RASGEF1A: variants seen among roughly 807,000 people sequenced by gnomAD.
RASGEF1A encodes ras-GEF domain-containing family member 1A.
In RASGEF1A, 18 loss-of-function variants were observed where a neutral mutation model predicts 56.4. The observed-to-expected ratio is 0.32, with a 90% CI of 0.22 to 0.47. RASGEF1A has a LOEUF of 0.47. Ranked by LOEUF, RASGEF1A falls within the 20% of genes least tolerant of loss-of-function variation. RASGEF1A has a pLI of 1.00. For missense variants in RASGEF1A, 422 were observed against 627.1 expected (o/e 0.67, Z 3.49); for synonymous variants, 245 against 242.6 (o/e 1.01, Z -0.09).
In RASGEF1A at chr10:43,198,839, G is replaced by T. The variant is rs1365249214; in HGVS notation, c.1032+94C>A. ...TAGGTGCTAGCCCCAGGGAGAGGAG[G>T]GCAGCCCCCCACCCCCACTGTCAGG... On this transcript the variant is annotated intron_variant, in intron 9 of 12. Coordinates refer to ENST00000395810, the MANE Select transcript of RASGEF1A (RefSeq NM_145313.4). The T allele has an allele frequency of 2.6e-6, 3 of 1,163,362 alleles. No individual in the cohort carries two copies. The East Asian group carries it at 7.0e-5, about 27-fold the overall frequency. 72.1% of individuals were successfully genotyped at this position (1,163,362 alleles called of 1,614,324 possible).
At chr10:43,201,058 G>A (rs569328675) in intron 4 of RASGEF1A, among the ~76,000 whole-genome samples, 170 bp from the exon 5 acceptor site, 5 of 152,150 alleles carry the variant, frequency 3.3e-5, no homozygotes, top group Non-Finnish European at 7.4e-5. Context: ...GCACAGCATG[G>A]GCTCCTCTGA....
intron 2 of RASGEF1A, among the ~76,000 whole-genome samples, chr10:43,205,184 G>A (rs898034969): frequency 3.9e-5 from 6 of 152,188 alleles, no homozygotes; most frequent in Admixed American, 3.3e-4. Context: ...GGGCAGGGAG[G>A]GAGAGGGGAT....
At chr10:43,205,537 TGGGCGTGCCCTCGCCA>T (rs1173830916) in intron 2 of RASGEF1A, among the ~76,000 whole-genome samples, 2 of 152,138 alleles carry the variant, frequency 1.3e-5, no homozygotes, top group African/African-American at 4.8e-5. Context: ...GGACCTCGGC[TGGGCGTGCCCTCGCCA>T]GGACCCCAAG....
rs141255131 is a variant in RASGEF1A, at chr10:43,231,081, C to T, written c.-6-24959G>A. On this transcript the variant is annotated intron_variant, in intron 1 of 12. Coordinates refer to ENST00000395810, the MANE Select transcript of RASGEF1A (RefSeq NM_145313.4). ...ATGCAGCGCCTGTGGGTGGGCAGTG[C>T]GGGGAGTACGAGGCAACCAGGCAGA... Among the ~76,000 whole-genome samples, 27 of 152,356 alleles carry T rather than the reference C, an allele frequency of 1.8e-4. No individual in the cohort carries two copies. In the East Asian group the frequency reaches 3.9e-3, roughly 22 times the overall value.
At chr10:43,216,606 G>C (rs929222076) in intron 1 of RASGEF1A, among the ~76,000 whole-genome samples, 1 of 152,202 alleles carries the variant, frequency 6.6e-6, no homozygotes, top group East Asian at 1.9e-4. Flanking sequence ...AGTAGACAGT[G>C]CTAGGTAGCC....
Position 43,196,610 on chromosome 10 carries a change from T to A in RASGEF1A, c.1349-62A>T. On this transcript the variant is annotated intron_variant, in intron 11 of 12. Transcript: ENST00000395810. This position sits in a 1 kb window ranked among gnomAD's most constrained non-coding sequence, Gnocchi z 4.6. The stretch of plus-strand genomic sequence containing the variant: ...CATGCAGTGTCTGCCTGAACCCAGC[T>A]GTCCCTTCAGGAGTACAGCCCAGCA... 6.7e-7 allele frequency: 1 copy of A among 1,488,452 alleles called. No homozygotes were observed. Among genetic ancestry groups the A allele is most frequent in the Non-Finnish European group, 9.3e-7 (1 of 1,073,454 alleles). The allele number at this position is 1,488,452 out of a possible 1,614,324, so 92.2% of individuals were successfully genotyped here.
At chr10:43,238,104 G>A (rs545241115) in intron 1 of RASGEF1A, among the ~76,000 whole-genome samples, 104 of 141,494 alleles carry the variant, frequency 7.4e-4, no homozygotes, top group African/African-American at 2.0e-3. Flanking sequence ...GGCGGAGGGA[G>A]GGGGGGTGCT....
intron 1 of RASGEF1A, chr10:43,229,564 C>T: frequency 1.5e-6 from 2 of 1,303,358 alleles, no homozygotes; most frequent in East Asian, 3.0e-5. Flanking sequence ...AGGGGACCGT[C>T]GCACCCCTCC....
chr10:43,238,657 T>G (rs1222542294), intron 1 of RASGEF1A, among the ~76,000 whole-genome samples: 1 of 152,146 alleles, frequency 6.6e-6, no homozygotes. Context: ...AGGCTGTCTG[T>G]GATGGGCAGG....
chr10:43,240,224 CATT>C (rs1467359432), intron 1 of RASGEF1A, among the ~76,000 whole-genome samples: 1 of 152,186 alleles, frequency 6.6e-6, no homozygotes, highest in East Asian at 1.9e-4. Context: ...TCTTTCCAAT[CATT>C]ATTTGACCGC....
At chr10:43,252,737 C>T (rs1292850236) in intron 1 of RASGEF1A, among the ~76,000 whole-genome samples, 2 of 152,126 alleles carry the variant, frequency 1.3e-5, no homozygotes, top group Non-Finnish European at 2.9e-5. Context: ...CCAAACTCAC[C>T]TGACTCCCAC....
intron 1 of RASGEF1A, among the ~76,000 whole-genome samples, chr10:43,225,271 C>G (rs1159147419): frequency 2.0e-5 from 2 of 101,032 alleles, no homozygotes; most frequent in African/African-American, 3.9e-5. Context: ...GGGGGGGTCT[C>G]TGTGTCTGTG....
intron 1 of RASGEF1A, among the ~76,000 whole-genome samples, chr10:43,210,148 C>T (rs1239868511): frequency 6.6e-6 from 1 of 152,250 alleles, no homozygotes; most frequent in Non-Finnish European, 1.5e-5. Context: ...TGTGTGAGAA[C>T]CTCAGCCTCC....
intron 9 of RASGEF1A, among the ~76,000 whole-genome samples, 155 bp downstream of exon 9, chr10:43,198,778 G>A (rs547243084): frequency 6.6e-6 from 1 of 152,342 alleles, no homozygotes; most frequent in Admixed American, 6.5e-5. Context: ...CCCACTGCTG[G>A]AGGACGAACA....
At chr10:43,197,698 C>T (rs944361252) in intron 10 of RASGEF1A, among the ~76,000 whole-genome samples, 3 of 152,250 alleles carry the variant, frequency 2.0e-5, no homozygotes, top group Non-Finnish European at 4.4e-5. Context: ...TCCAATCCCA[C>T]AGGGGTGGAC....
At chr10:43,206,173 C>A (rs1839993168) in intron 1 of RASGEF1A, 51 bp from the exon 2 acceptor site, 1 of 1,440,984 alleles carries the variant, frequency 6.9e-7, no homozygotes, top group Non-Finnish European at 9.5e-7. Flanking sequence ...TCCACAGCTC[C>A]ACAGACCCTC....
chr10:43,264,460 C>G (rs1461921079), intron 1 of RASGEF1A, among the ~76,000 whole-genome samples: 1 of 151,614 alleles, frequency 6.6e-6, no homozygotes, highest in Admixed American at 6.5e-5. Context: ...CTTCAGTCCC[C>G]TCCCTCCGCA....
chr10:43,197,702 G>A (rs2133176609), intron 10 of RASGEF1A, among the ~76,000 whole-genome samples: 1 of 152,304 alleles, frequency 6.6e-6, no homozygotes, highest in African/African-American at 2.4e-5. Context: ...ATCCCACAGG[G>A]GTGGACAGGG....
intron 1 of RASGEF1A, among the ~76,000 whole-genome samples, chr10:43,219,436 T>C (rs1840178678): frequency 6.6e-6 from 1 of 151,962 alleles, no homozygotes; most frequent in Admixed American, 6.5e-5. Flanking sequence ...CCCTCTGGGG[T>C]CCCTGTCCTA....
Sources: allele counts gnomAD v4.1 joint callset (sites outside exome capture counted in the v4.1 genomes callset), GRCh38; gene constraint gnomAD v4.1.1; non-coding constraint Gnocchi (gnomAD v3.1); transcripts MANE v1.5; gene names NCBI Gene and HGNC (gene_info 2026-07-23, HGNC 2026-07-21).